SHISA9: variants seen among roughly 807,000 people sequenced by gnomAD.
The protein encoded by SHISA9 is protein shisa-9.
SHISA9 carries 13 observed loss-of-function variants against 38.0 expected under a neutral mutation model. The observed-to-expected ratio is 0.34, with a 90% CI of 0.22 to 0.54. The LOEUF is 0.54. Ranked by LOEUF, SHISA9 falls within the 20% of genes least tolerant of loss-of-function variation. The pLI is 0.91. For synonymous variants in SHISA9, 275 were observed against 242.0 expected, an observed-to-expected ratio of 1.14 and a Z score of -1.27; for missense variants, 538 against 575.8, an observed-to-expected ratio of 0.93 and a Z score of 0.67.
chr16:12,989,895 C>T (rs970251964), intron 2 of SHISA9, among the ~76,000 whole-genome samples: 5 of 152,042 alleles, frequency 3.3e-5, no homozygotes, highest in African/African-American at 7.2e-5. Context: ...GGTGTGAAGC[C>T]GAGCACGCAT....
chr16:13,393,930 T>C, the SHISA9 span, among the ~76,000 whole-genome samples: 21 of 152,214 alleles, frequency 1.4e-4, no homozygotes, highest in African/African-American at 4.1e-4. Context: ...TTCTTTCCTC[T>C]TTCCCTGAAT....
At chr16:13,160,644 A>G (rs2050587053) in intron 2 of SHISA9, among the ~76,000 whole-genome samples, 1 of 152,216 alleles carries the variant, frequency 6.6e-6, no homozygotes, top group Non-Finnish European at 1.5e-5. Context: ...AAATCTGATG[A>G]GAAAATTTTA....
chr16:13,284,569 A>C, the SHISA9 span, among the ~76,000 whole-genome samples: 5 of 152,224 alleles, frequency 3.3e-5, no homozygotes, highest in African/African-American at 1.2e-4. Flanking sequence ...TTAGCTCAGA[A>C]AAATTTCTTT....
the SHISA9 span, among the ~76,000 whole-genome samples, chr16:13,358,713 C>G: frequency 3.3e-5 from 5 of 152,238 alleles, no homozygotes; most frequent in African/African-American, 1.2e-4. Context: ...GGGAACCCCT[C>G]TCTGCCTTAT....
the SHISA9 span, among the ~76,000 whole-genome samples, chr16:13,503,005 A>G: frequency 6.6e-6 from 1 of 152,254 alleles, no homozygotes; most frequent in African/African-American, 2.4e-5. Flanking sequence ...ATATAGTGAT[A>G]AATTAAAAAA....
chr16:13,428,891 G>A, the SHISA9 span, among the ~76,000 whole-genome samples: 1 of 151,292 alleles, frequency 6.6e-6, no homozygotes, highest in East Asian at 2.0e-4. Flanking sequence ...TCAGCCTCCT[G>A]AGTAGCTGGG....
chr16:13,315,984 A>C, the SHISA9 span, among the ~76,000 whole-genome samples: 982 of 152,212 alleles, frequency 6.5e-3, 4 homozygotes, highest in Non-Finnish European at 0.011. Flanking sequence ...GGTTAGAGTA[A>C]ATAACATCTG....
At chr16:12,909,322 C>T in intron 1 of SHISA9, 1 of 985,422 alleles carries the variant, frequency 1.0e-6, no homozygotes, top group Non-Finnish European at 1.2e-6. Context: ...CTAGAAAGCT[C>T]ACTCATGCCC....
the SHISA9 span, among the ~76,000 whole-genome samples, chr16:13,405,237 C>G: frequency 6.6e-6 from 1 of 152,182 alleles, no homozygotes; most frequent in African/African-American, 2.4e-5. Context: ...ATGTTATTTT[C>G]ATGGTGCAAA....
the SHISA9 span, among the ~76,000 whole-genome samples, chr16:13,465,180 A>G: frequency 1.3e-5 from 2 of 152,180 alleles, no homozygotes; most frequent in Non-Finnish European, 2.9e-5. Context: ...GCATTTAGCA[A>G]CATCCTCAGC....
intron 2 of SHISA9, among the ~76,000 whole-genome samples, chr16:12,970,316 G>T (rs1341623913): frequency 7.4e-5 from 7 of 94,308 alleles, no homozygotes; most frequent in African/African-American, 1.7e-4. Flanking sequence ...TCTCACTAGG[G>T]GTATATATAC....
At chr16:13,098,385 C>A (rs907014460) in intron 2 of SHISA9, among the ~76,000 whole-genome samples, 1 of 152,168 alleles carries the variant, frequency 6.6e-6, no homozygotes. Context: ...TTCTTTAATT[C>A]TATTTCAGTA....
chr16:12,926,135 G>A (rs1039700330), intron 2 of SHISA9, among the ~76,000 whole-genome samples: 1 of 152,096 alleles, frequency 6.6e-6, no homozygotes, highest in Admixed American at 6.6e-5. Flanking sequence ...CCTGCCCAAG[G>A]TCACAGAGAT....
chr16:12,979,436 T>G (rs1163081846), intron 2 of SHISA9, among the ~76,000 whole-genome samples: 1 of 152,162 alleles, frequency 6.6e-6, no homozygotes, highest in Non-Finnish European at 1.5e-5. Flanking sequence ...GTTCATTATT[T>G]TTAATAATGT....
intron 1 of SHISA9, chr16:12,902,828 G>C: frequency 1.7e-6 from 1 of 604,726 alleles, no homozygotes; most frequent in Admixed American, 3.1e-5. Context: ...GTGGGTCTGA[G>C]CGTGTTCGTG....
intron 2 of SHISA9, among the ~76,000 whole-genome samples, chr16:12,955,006 G>T (rs979139425): frequency 6.6e-6 from 1 of 151,994 alleles, no homozygotes. Context: ...CCTGGTACAG[G>T]GTTATCTCCT....
At chr16:13,083,507 G>T (rs2073677094) in intron 2 of SHISA9, among the ~76,000 whole-genome samples, 1 of 152,172 alleles carries the variant, frequency 6.6e-6, no homozygotes, top group African/African-American at 2.4e-5. Flanking sequence ...GCAAGATTGT[G>T]CAGGGCAAGG....
At chr16:13,071,810 T>A (rs554828445) in intron 2 of SHISA9, among the ~76,000 whole-genome samples, 104 of 152,042 alleles carry the variant, frequency 6.8e-4, no homozygotes, top group African/African-American at 2.4e-3. Flanking sequence ...GCTTTTATTT[T>A]TTTTTTTAAT....
the SHISA9 span, among the ~76,000 whole-genome samples, chr16:13,492,599 A>G: frequency 6.6e-6 from 1 of 152,200 alleles, no homozygotes; most frequent in Non-Finnish European, 1.5e-5. Context: ...CCAAGAAGCC[A>G]GGGCCATGTA....
Sources: allele counts gnomAD v4.1 joint callset (sites outside exome capture counted in the v4.1 genomes callset), GRCh38; gene constraint gnomAD v4.1.1; transcripts MANE v1.5; gene names NCBI Gene and HGNC (gene_info 2026-07-23, HGNC 2026-07-21).